Variants in SEMA5A observed in about 807,000 individuals in gnomAD.
The protein encoded by SEMA5A is semaphorin-5A.
A neutral mutation model predicts 135.5 loss-of-function variants in SEMA5A; 55 were observed. The ratio of observed to expected loss-of-function variants is 0.41; its 90% CI spans 0.33 to 0.51. SEMA5A has a LOEUF of 0.51. Ranked by LOEUF, SEMA5A falls within the 20% of genes least tolerant of loss-of-function variation. SEMA5A has a pLI of 0.37. For missense variants in SEMA5A, 1,290 were observed against 1,419.9 expected, an observed-to-expected ratio of 0.91 and a Z score of 1.47; for synonymous variants, 580 against 546.5, an observed-to-expected ratio of 1.06 and a Z score of -0.85.
chr5:9,537,009 C>A (rs1737805036), intron 1 of SEMA5A, among the ~76,000 whole-genome samples: 1 of 152,114 alleles, frequency 6.6e-6, no homozygotes. Context: ...AAATCCCATA[C>A]ATCTTAGAGT....
At chr5:9,249,221 AAGGTAAGC>A (rs1182593670) in intron 5 of SEMA5A, among the ~76,000 whole-genome samples, 2 of 152,206 alleles carry the variant, frequency 1.3e-5, no homozygotes, top group Non-Finnish European at 2.9e-5. Flanking sequence ...GTGTTTGTGT[AAGGTAAGC>A]TTACATCTAT....
intron 4 of SEMA5A, among the ~76,000 whole-genome samples, chr5:9,329,189 T>C (rs1357309956): frequency 6.7e-6 from 1 of 150,064 alleles, no homozygotes; most frequent in Non-Finnish European, 1.5e-5. Context: ...TCAGGACCCT[T>C]TACTCAGGCT....
intron 1 of SEMA5A, among the ~76,000 whole-genome samples, chr5:9,503,983 G>A (rs991208724): frequency 2.6e-5 from 4 of 152,090 alleles, no homozygotes; most frequent in Admixed American, 6.5e-5. Flanking sequence ...TTGGGAGGCC[G>A]AGGCGGGCAG....
chr5:9,216,691 T>C (rs899442504), intron 8 of SEMA5A, among the ~76,000 whole-genome samples: 16 of 152,244 alleles, frequency 1.1e-4, no homozygotes, highest in South Asian at 2.1e-4. Flanking sequence ...ATATTTAGGA[T>C]AGTTATGTCA....
intron 5 of SEMA5A, among the ~76,000 whole-genome samples, chr5:9,289,526 G>T (rs60520783): frequency 6.6e-6 from 1 of 151,582 alleles, no homozygotes; most frequent in African/African-American, 2.4e-5. Flanking sequence ...TTAGCCAGGC[G>T]TGGTGGCACG....
chr5:9,422,004 T>A (rs542525428), intron 2 of SEMA5A, among the ~76,000 whole-genome samples: 33 of 152,358 alleles, frequency 2.2e-4, no homozygotes, highest in African/African-American at 7.7e-4. Flanking sequence ...AGTTTAACGA[T>A]AACCAAATTA....
intron 19 of SEMA5A, among the ~76,000 whole-genome samples, chr5:9,053,387 C>T (rs1284941459): frequency 3.9e-5 from 6 of 152,218 alleles, no homozygotes; most frequent in Non-Finnish European, 7.3e-5. Flanking sequence ...GAATGCTTTG[C>T]TATCACCAGT....
intron 16 of SEMA5A, among the ~76,000 whole-genome samples, chr5:9,095,104 C>A (rs1235101389): frequency 6.6e-6 from 1 of 152,106 alleles, no homozygotes; most frequent in African/African-American, 2.4e-5. Context: ...CTAAATATAA[C>A]CTTGTATTCC....
chr5:9,287,781 C>G (rs1750873848), intron 5 of SEMA5A, among the ~76,000 whole-genome samples: 2 of 152,190 alleles, frequency 1.3e-5, no homozygotes, highest in Admixed American at 1.3e-4. Context: ...CCTGCAAAGT[C>G]TCTGCATTTA....
chr5:9,523,761 C>T (rs1736964253), intron 1 of SEMA5A, among the ~76,000 whole-genome samples: 2 of 152,088 alleles, frequency 1.3e-5, no homozygotes, highest in Non-Finnish European at 2.9e-5. Context: ...GGATGATCCT[C>T]AGGAGCAGAA....
Position 9,454,937 on chromosome 5 carries a change from A to C in SEMA5A, c.-174-17085T>G, listed in dbSNP as rs930207874. Among the ~76,000 whole-genome samples, 4 of 152,228 alleles carry C rather than the reference A, an allele frequency of 2.6e-5. No individual in the cohort carries two copies. The South Asian group carries it at 8.3e-4, about 32-fold the overall frequency. On this transcript the variant is annotated intron_variant, in intron 1 of 22. Coordinates refer to ENST00000382496, the MANE Select transcript of SEMA5A (RefSeq NM_003966.3). ...GTGTTCTCAGATTCAGAGATGTACT[A>C]ATAAAGGGATACACGTACTATTTTG...
chr5:9,543,158 G>A (rs17328904), intron 1 of SEMA5A, among the ~76,000 whole-genome samples: 14,650 of 152,232 alleles, frequency 0.096, 957 homozygotes, highest in Non-Finnish European at 0.14. Context: ...ACTAGCACAC[G>A]GTACAGAGAA....
chr5:9,410,147 A>C (rs570112362), intron 2 of SEMA5A, among the ~76,000 whole-genome samples: 30 of 152,350 alleles, frequency 2.0e-4, no homozygotes, highest in African/African-American at 5.8e-4. Context: ...AATTAAAGAA[A>C]GAGTATACAT....
chr5:9,317,246 T>C (rs890929284), intron 5 of SEMA5A, among the ~76,000 whole-genome samples: 26 of 152,192 alleles, frequency 1.7e-4, no homozygotes, highest in African/African-American at 6.0e-4. Flanking sequence ...AGATTTATTA[T>C]TTATTATCAT....
chr5:9,472,068 C>T (rs191381856), intron 1 of SEMA5A, among the ~76,000 whole-genome samples: 2 of 152,302 alleles, frequency 1.3e-5, no homozygotes, highest in African/African-American at 4.8e-5. Context: ...CATATGTATA[C>T]ATGTGCCATG....
chr5:9,192,583 G>GCA, intron 10 of SEMA5A, among the ~76,000 whole-genome samples: 1 of 152,132 alleles, frequency 6.6e-6, no homozygotes, highest in African/African-American at 2.4e-5. Context: ...TAATTGGGGG[G>GCA]GGGAGGGGAT....
rs114986541 is a variant in SEMA5A, at chr5:9,234,876, T to C, written c.333+2952A>G. Among the ~76,000 whole-genome samples, 502 of 152,334 alleles carry C rather than the reference T, an allele frequency of 3.3e-3. 3 individuals carry two copies. The highest frequency in any genetic ancestry group is 0.012 in the African/African-American group (481 of 41,580). On this transcript the variant is annotated intron_variant, in intron 6 of 22. Transcript: ENST00000382496. ...AAAATTCAATTAAGTGTAGTAACGA[T>C]TGGTCTCCTCCGTGAATCGAGGGTA...
chr5:9,278,113 TAAA>T (rs58789253), intron 5 of SEMA5A, among the ~76,000 whole-genome samples: 84 of 143,298 alleles, frequency 5.9e-4, no homozygotes, highest in South Asian at 8.9e-4. Flanking sequence ...CATGTAAACT[TAAA>T]AAAAAAAAAA....
intron 21 of SEMA5A, among the ~76,000 whole-genome samples, chr5:9,050,110 C>T (rs1215087136): frequency 6.6e-6 from 1 of 152,180 alleles, no homozygotes; most frequent in African/African-American, 2.4e-5. Context: ...ACTGCTGGGA[C>T]CTTCCCATGA....
Sources: allele counts gnomAD v4.1 joint callset (sites outside exome capture counted in the v4.1 genomes callset), GRCh38; gene constraint gnomAD v4.1.1; transcripts MANE v1.5; gene names NCBI Gene and HGNC (gene_info 2026-07-23, HGNC 2026-07-21).